Variants in ZFAND3 observed in about 807,000 individuals in gnomAD.
ZFAND3 encodes the protein AN1-type zinc finger protein 3.
In ZFAND3, 10 loss-of-function variants were observed where a neutral mutation model predicts 29.6. The ratio of observed to expected loss-of-function variants is 0.34; its 90% confidence interval spans 0.21 to 0.57. The LOEUF (loss-of-function observed/expected upper bound fraction) is 0.57, where lower values mean the gene tolerates loss of function less well. Among genes scored for constraint, ZFAND3 ranks in the 20% least tolerant of loss-of-function variants. ZFAND3 has a pLI of 0.86. For synonymous variants in ZFAND3, 128 were observed against 112.6 expected (o/e 1.14, Z -0.87); for missense variants, 230 against 304.5 (o/e 0.76, Z 1.82).
At chr6:37,962,048 G>T (rs1762207694) in intron 2 of ZFAND3, among the ~76,000 whole-genome samples, 1 of 152,182 alleles carries the variant, frequency 6.6e-6, no homozygotes, top group Non-Finnish European at 1.5e-5. Flanking sequence ...AAGAAATAGA[G>T]ATATCAGACC....
At chr6:38,030,056 A>G (rs532759247) in intron 2 of ZFAND3, among the ~76,000 whole-genome samples, 48 of 1,786 alleles carry the variant, frequency 0.027, 1 homozygote, top group Non-Finnish European at 0.054. Flanking sequence ...TGCTGGATAT[A>G]TATATATATA....
At chr6:38,103,937 T>G (rs985139497) in intron 4 of ZFAND3, among the ~76,000 whole-genome samples, 1 of 152,202 alleles carries the variant, frequency 6.6e-6, no homozygotes, top group Non-Finnish European at 1.5e-5. Flanking sequence ...AAGCATGTTA[T>G]AAAAAGGAAA....
Position 37,884,494 on chromosome 6 carries a change from CAAA to C in ZFAND3, c.72-45442_72-45440del, listed in dbSNP as rs58015486. 3.2e-4 allele frequency among the ~76,000 whole-genome samples: 17 copies of C among 53,846 alleles called. 1 individual carries two copies. The highest frequency in any genetic ancestry group is 4.3e-4 in the African/African-American group (4 of 9,288). The allele number at this position is 53,846 out of a possible 152,430, so 35.3% of individuals were successfully genotyped here. On this transcript the variant is annotated intron_variant, in intron 1 of 5. Transcript: ENST00000287218. ...GGGCAAAAAGAGCGAAACTCTAGCT[CAAA>C]AAAAAAAAAAAAAAAAAAAAAAGAA... is the stretch of plus-strand genomic sequence containing the variant.
At chr6:37,862,894 A>G (rs1764519960) in intron 1 of ZFAND3, among the ~76,000 whole-genome samples, 1 of 151,672 alleles carries the variant, frequency 6.6e-6, no homozygotes, top group African/African-American at 2.4e-5. Context: ...CCAACTTCCA[A>G]CTGATTATTT....
chr6:37,883,667 G>A lies in ZFAND3; in HGVS notation c.72-46292G>A, dbSNP rs1764937542. The stretch of plus-strand genomic sequence containing the variant: ...AAGCAATTCTCTGCCTCAGCCTCCT[G>A]AGTAGCTGGGATTACAGGTGCCCGC... On this transcript the variant is annotated intron_variant, in intron 1 of 5. Transcript: ENST00000287218. Among the ~76,000 whole-genome samples the A allele has an allele frequency of 1.4e-5, 2 of 143,366 alleles. 1 individual carries two copies. Among genetic ancestry groups the A allele is most frequent in the African/African-American group, 5.7e-5 (2 of 34,944 alleles). 94.1% of individuals were successfully genotyped at this position (143,366 alleles called of 152,430 possible).
chr6:38,031,472 T>C (rs1763557592), intron 2 of ZFAND3, among the ~76,000 whole-genome samples: 1 of 152,222 alleles, frequency 6.6e-6, no homozygotes, highest in Non-Finnish European at 1.5e-5. Flanking sequence ...CCCTTTAGCA[T>C]GTTCAGTCCT....
At chr6:38,100,305 G>A (rs1025989398) in intron 4 of ZFAND3, among the ~76,000 whole-genome samples, 2 of 152,054 alleles carry the variant, frequency 1.3e-5, no homozygotes, top group Admixed American at 6.6e-5. Flanking sequence ...CTCGTGATCC[G>A]CCTGCCTCGA....
chr6:37,916,964 C>G (rs1447503462), intron 1 of ZFAND3, among the ~76,000 whole-genome samples: 1 of 152,164 alleles, frequency 6.6e-6, no homozygotes, highest in African/African-American at 2.4e-5. Context: ...GTCATGGTAT[C>G]TGTCATGGTA....
chr6:38,120,320 C>CTTTTTT lies in ZFAND3; in HGVS notation c.529+3606_529+3611dup, dbSNP rs70981523. Reference sequence around the variant, plus strand: ...TGATTGATACACGTAGCTTGGCTTCCTTTTTTTTTTTTTTTTTTTTTTTTT... The same window carrying CTTTTTT: ...TGATTGATACACGTAGCTTGGCTTCCTTTTTTTTTTTTTTTTTTTTTTTTTTTTTTT... On this transcript the variant is annotated intron_variant, in intron 5 of 5. Coordinates refer to ENST00000287218, the MANE Select transcript of ZFAND3 (RefSeq NM_021943.3). Among the ~76,000 whole-genome samples, 415 of 60,710 alleles carry CTTTTTT rather than the reference C, an allele frequency of 6.8e-3. 71 individuals carry two copies. Among genetic ancestry groups the CTTTTTT allele is most frequent in the African/African-American group, 0.012 (219 of 17,762 alleles). 39.8% of individuals were successfully genotyped at this position (60,710 alleles called of 152,430 possible).
chr6:37,852,684 C>A (rs1192044406), intron 1 of ZFAND3, among the ~76,000 whole-genome samples: 2 of 151,390 alleles, frequency 1.3e-5, no homozygotes, highest in African/African-American at 4.8e-5. Context: ...TCTTTAGTTT[C>A]ACACATTCTT....
chr6:37,881,639 A>G (rs1764897895), intron 1 of ZFAND3, among the ~76,000 whole-genome samples: 1 of 152,194 alleles, frequency 6.6e-6, no homozygotes, highest in Admixed American at 6.5e-5. Flanking sequence ...AGATCTCCTT[A>G]GCCAAAAAGT....
chr6:37,944,268 C>T (rs560711432), intron 2 of ZFAND3, among the ~76,000 whole-genome samples: 1 of 152,094 alleles, frequency 6.6e-6, no homozygotes, highest in African/African-American at 2.4e-5. Flanking sequence ...CGTCCAAAAA[C>T]ACTATCTGCA....
chr6:38,104,024 A>G (rs1765160004), intron 4 of ZFAND3, among the ~76,000 whole-genome samples: 1 of 152,250 alleles, frequency 6.6e-6, no homozygotes, highest in Non-Finnish European at 1.5e-5. Flanking sequence ...ATAGTTGGGC[A>G]GGCAGGAGAG....
At chr6:38,015,589 C>T (rs1220094398) in intron 2 of ZFAND3, among the ~76,000 whole-genome samples, 4 of 152,096 alleles carry the variant, frequency 2.6e-5, no homozygotes, top group African/African-American at 9.7e-5. Context: ...TTGTTCATAC[C>T]CTAGAACACT....
chr6:37,925,551 A>G (rs1317958784), intron 1 of ZFAND3, among the ~76,000 whole-genome samples: 1 of 152,068 alleles, frequency 6.6e-6, no homozygotes, highest in East Asian at 1.9e-4. Context: ...AAAAAATAGA[A>G]AAATTAGCCG....
intron 4 of ZFAND3, among the ~76,000 whole-genome samples, chr6:38,115,355 C>G (rs761470419): frequency 6.6e-5 from 10 of 152,156 alleles, no homozygotes; most frequent in Non-Finnish European, 8.8e-5. Context: ...GCAAGTCATG[C>G]AGGGTATTTG....
chr6:38,091,073 G>T (rs1297464993), intron 4 of ZFAND3, among the ~76,000 whole-genome samples: 1 of 152,224 alleles, frequency 6.6e-6, no homozygotes, highest in Non-Finnish European at 1.5e-5. Context: ...AAGTGAATAA[G>T]TGGAACATCA....
chr6:37,884,244 A>C (rs1764949276), intron 1 of ZFAND3, among the ~76,000 whole-genome samples: 1 of 145,098 alleles, frequency 6.9e-6, no homozygotes, highest in South Asian at 2.1e-4. Context: ...CTGTAATCCC[A>C]GCACTTTGGG....
intron 1 of ZFAND3, among the ~76,000 whole-genome samples, chr6:37,861,059 C>A (rs1331770440): frequency 1.3e-5 from 2 of 152,070 alleles, no homozygotes; most frequent in African/African-American, 4.8e-5. Context: ...GAGTTCAAGA[C>A]CAGCCTGGCC....
Sources: gnomAD v4.1 joint callset for allele counts (sites outside exome capture counted in the v4.1 genomes callset) on GRCh38, gnomAD v4.1.1 for gene constraint, MANE v1.5 for transcripts, NCBI Gene and HGNC (gene_info 2026-07-23, HGNC 2026-07-21) for gene names.